PRKCB: variants seen among roughly 807,000 people sequenced by gnomAD.
The protein encoded by PRKCB is protein kinase C beta type.
PRKCB carries 13 observed loss-of-function variants against 81.5 expected under a neutral mutation model. That is an observed-to-expected ratio of 0.16 (90% CI 0.10 to 0.25). The LOEUF is 0.25. PRKCB is among the 10% of genes least tolerant of loss of function. The pLI is 1.00. For missense variants in PRKCB, 509 were observed against 875.7 expected (o/e 0.58, Z 5.29); for synonymous variants, 335 against 321.4 (o/e 1.04, Z -0.45).
chr16:23,889,635 AC>A (rs1963259530), intron 2 of PRKCB, among the ~76,000 whole-genome samples: 1 of 152,236 alleles, frequency 6.6e-6, no homozygotes, highest in Non-Finnish European at 1.5e-5. Context: ...ATGTATGTTC[AC>A]TTTTATGCTG....
intron 3 of PRKCB, among the ~76,000 whole-genome samples, chr16:24,003,913 A>C (rs1379529584): frequency 6.6e-6 from 1 of 152,178 alleles, no homozygotes; most frequent in African/African-American, 2.4e-5. Flanking sequence ...TTACCTAGTA[A>C]AGTTGGCATA....
chr16:24,215,011 C>G lies in PRKCB; in HGVS notation c.*195C>G. On this transcript the variant is annotated 3_prime_UTR_variant, in exon 17 of 17. Coordinates refer to ENST00000643927, the MANE Select transcript of PRKCB (RefSeq NM_002738.7). Reference sequence around the variant, plus strand: ...TATGAGATGGGATTATGCAGATGGCCTATGGAAAATGCAGCTGCATAATTA... The same window carrying G: ...TATGAGATGGGATTATGCAGATGGCGTATGGAAAATGCAGCTGCATAATTA... 7.3e-7 allele frequency: 1 copy of G among 1,374,856 alleles called. No individual in the cohort carries two copies. Among genetic ancestry groups the G allele is most frequent in the African/African-American group, 1.4e-5 (1 of 69,050 alleles). The allele number at this position is 1,374,856 out of a possible 1,614,324, so 85.2% of individuals were successfully genotyped here.
At chr16:23,877,603 T>G (rs1963036294) in intron 2 of PRKCB, among the ~76,000 whole-genome samples, 1 of 152,168 alleles carries the variant, frequency 6.6e-6, no homozygotes, top group African/African-American at 2.4e-5. Flanking sequence ...CTGTCAAAAC[T>G]CTCTTTCTGT....
rs1042527098 is a variant in PRKCB, at chr16:24,216,137, T to C, written c.*1321T>C. On this transcript the variant is annotated 3_prime_UTR_variant, in exon 17 of 17. Transcript: ENST00000643927. The stretch of plus-strand genomic sequence containing the variant: ...GGAGCTTTAATCTTGGCCCCAGTGT[T>C]CAGCCACTCGGAGGGGCGGGGGCTG... 1.0e-6 allele frequency: 1 copy of C among 985,396 alleles called. No homozygotes were observed. Among genetic ancestry groups the C allele is most frequent in the Non-Finnish European group, 1.2e-6 (1 of 830,008 alleles). The allele number at this position is 985,396 out of a possible 1,614,324, so 61.0% of individuals were successfully genotyped here. A position where few individuals can be genotyped will look rare whatever the true frequency, so the allele number is the denominator to read the frequency against.
chr16:23,981,586 T>TTCCCTTCCC (rs1567333315), intron 2 of PRKCB, among the ~76,000 whole-genome samples: 14 of 150,026 alleles, frequency 9.3e-5, no homozygotes, highest in Admixed American at 3.3e-4. Context: ...TTTCCTTTCC[T>TTCCCTTCCC]TTCCTTCCCT....
chr16:24,073,626 C>T (rs548802157), intron 5 of PRKCB, among the ~76,000 whole-genome samples: 8 of 152,290 alleles, frequency 5.3e-5, no homozygotes, highest in South Asian at 2.1e-4. Flanking sequence ...TGAGCCATTG[C>T]GCCTGGCCGG....
At chr16:24,040,684 A>C (rs1433429474) in intron 5 of PRKCB, among the ~76,000 whole-genome samples, 5 of 152,216 alleles carry the variant, frequency 3.3e-5, no homozygotes, top group African/African-American at 9.7e-5. Context: ...TGATAGATAG[A>C]TATAAGGCTT....
At chr16:23,841,729 C>T (rs987190687) in intron 2 of PRKCB, among the ~76,000 whole-genome samples, 4 of 138,726 alleles carry the variant, frequency 2.9e-5, no homozygotes, top group Admixed American at 2.4e-4. Flanking sequence ...GATCTTAGCT[C>T]ACTGCAACCT....
At chr16:23,928,655 G>T (rs1448711827) in intron 2 of PRKCB, among the ~76,000 whole-genome samples, 2 of 151,984 alleles carry the variant, frequency 1.3e-5, no homozygotes, top group Non-Finnish European at 2.9e-5. Context: ...CACCTCTGTT[G>T]GGGGACTGGG....
At chr16:23,996,692 A>G (rs1475509932) in intron 3 of PRKCB, among the ~76,000 whole-genome samples, 1 of 152,218 alleles carries the variant, frequency 6.6e-6, no homozygotes, top group Non-Finnish European at 1.5e-5. Flanking sequence ...GTGTCTGATC[A>G]AAGAAATCAC....
intron 2 of PRKCB, among the ~76,000 whole-genome samples, chr16:23,961,053 T>A (rs1055260779): frequency 2.6e-5 from 4 of 152,208 alleles, no homozygotes; most frequent in Non-Finnish European, 2.9e-5. Context: ...TCTTTCTTTT[T>A]AAAAAAATTT....
At chr16:24,153,990 C>T (rs1967115442) in intron 9 of PRKCB, among the ~76,000 whole-genome samples, 1 of 152,222 alleles carries the variant, frequency 6.6e-6, no homozygotes, top group Non-Finnish European at 1.5e-5. Flanking sequence ...ATTCAACAAA[C>T]ATTTATTGAA....
intron 2 of PRKCB, among the ~76,000 whole-genome samples, chr16:23,929,730 A>G (rs1963945957): frequency 6.6e-6 from 1 of 152,132 alleles, no homozygotes; most frequent in Non-Finnish European, 1.5e-5. Context: ...GAATTGCACC[A>G]GTTTCTTTTT....
chr16:24,020,976 T>TTTCTTTCTTTCTTTCTTTCTTTCTTTC (rs1195937545), intron 3 of PRKCB, among the ~76,000 whole-genome samples: 2 of 96,630 alleles, frequency 2.1e-5, no homozygotes, highest in African/African-American at 8.2e-5. Context: ...AGACTTTTCT[T>TTTCTTTCTTTCTTTCTTTCTTTCTTTC]TTTCTTTCTT....
intron 5 of PRKCB, among the ~76,000 whole-genome samples, chr16:24,089,789 T>TCACA (rs1555496093): frequency 4.0e-5 from 6 of 149,990 alleles, no homozygotes; most frequent in Admixed American, 1.3e-4. Context: ...TCTCTCTCTC[T>TCACA]CACACACACA....
intron 9 of PRKCB, among the ~76,000 whole-genome samples, chr16:24,136,607 C>T (rs1014418890): frequency 2.1e-4 from 32 of 152,160 alleles, no homozygotes; most frequent in Non-Finnish European, 4.1e-4. Context: ...ATGTCTAATT[C>T]TCACATGTAG....
At chr16:23,948,013 A>G (rs576796927) in intron 2 of PRKCB, among the ~76,000 whole-genome samples, 3 of 151,836 alleles carry the variant, frequency 2.0e-5, no homozygotes, top group African/African-American at 7.3e-5. Context: ...GTGACCTAGG[A>G]TCTGTCAATC....
intron 3 of PRKCB, among the ~76,000 whole-genome samples, chr16:24,002,258 C>T (rs966125916): frequency 3.9e-5 from 6 of 152,024 alleles, no homozygotes; most frequent in Admixed American, 2.0e-4. Context: ...CTTAGTTTCA[C>T]GGTTCCAAGC....
chr16:23,899,003 T>C (rs1963423727), intron 2 of PRKCB, among the ~76,000 whole-genome samples: 1 of 152,198 alleles, frequency 6.6e-6, no homozygotes, highest in Non-Finnish European at 1.5e-5. Flanking sequence ...GAGACAGCCG[T>C]TGTGACTGTT....
Sources: gnomAD v4.1 joint callset for allele counts (sites outside exome capture counted in the v4.1 genomes callset) on GRCh38, gnomAD v4.1.1 for gene constraint, MANE v1.5 for transcripts, NCBI Gene and HGNC (gene_info 2026-07-23, HGNC 2026-07-21) for gene names.